NRDC: variants seen among roughly 807,000 people sequenced by gnomAD.
The protein encoded by NRDC is nardilysin convertase, also known as nardilysin.
A neutral mutation model predicts 147.1 loss-of-function variants in NRDC; 54 were observed. That is an observed-to-expected ratio of 0.37 (90% CI 0.29 to 0.46). The LOEUF is 0.46. Among genes scored for constraint, NRDC ranks in the 20% least tolerant of loss-of-function variants. The pLI, the probability that NRDC is intolerant of heterozygous loss-of-function variation, is 1.00. For missense variants in NRDC, 1,082 were observed against 1,370.6 expected, an observed-to-expected ratio of 0.79 and a Z score of 3.33; for synonymous variants, 440 against 482.1, an observed-to-expected ratio of 0.91 and a Z score of 1.14.
chr1:51,837,006 TCC>T (rs1681016052), intron 2 of NRDC, among the ~76,000 whole-genome samples: 2 of 149,508 alleles, frequency 1.3e-5, no homozygotes, highest in Non-Finnish European at 3.0e-5. Context: ...GGTCTCAAAC[TCC>T]TGGACTCAAA....
chr1:51,812,151 T>C, intron 14 of NRDC, 53 bp from the exon 15 acceptor site: 1 of 1,234,442 alleles, frequency 8.1e-7, no homozygotes, highest in Non-Finnish European at 1.2e-6. Context: ...TTATATTTGA[T>C]TTACCACAAC....
intron 1 of NRDC, among the ~76,000 whole-genome samples, chr1:51,875,832 C>T (rs1398290337): frequency 1.3e-5 from 2 of 152,148 alleles, no homozygotes; most frequent in Admixed American, 6.5e-5. Flanking sequence ...GGATTACAGG[C>T]ATGAGCCACC....
chr1:51,816,461 G>T, intron 10 of NRDC, 72 bp from the exon 11 acceptor site: 1 of 714,060 alleles, frequency 1.4e-6, no homozygotes. Context: ...TTACCTCTAA[G>T]GCTACAATAA....
chr1:51,869,024 C>T (rs1682956151), intron 1 of NRDC, among the ~76,000 whole-genome samples: 1 of 152,150 alleles, frequency 6.6e-6, no homozygotes, highest in Non-Finnish European at 1.5e-5. Flanking sequence ...ACTACAACCT[C>T]AAACTCTTGT....
chr1:51,829,302 T>G (rs944454656), intron 4 of NRDC, among the ~76,000 whole-genome samples: 3 of 152,218 alleles, frequency 2.0e-5, no homozygotes, highest in Non-Finnish European at 4.4e-5. Context: ...TGCCTTGGCC[T>G]TCCAAAGTGC....
intron 22 of NRDC, chr1:51,797,876 T>A (rs1679005041): frequency 6.1e-6 from 1 of 163,584 alleles, no homozygotes; most frequent in South Asian, 1.8e-4. Context: ...GCTCAAATGA[T>A]CCTTCCACCT....
intron 1 of NRDC, chr1:51,860,244 A>C (rs547218465): frequency 6.5e-6 from 1 of 154,492 alleles, no homozygotes; most frequent in Admixed American, 6.5e-5. Flanking sequence ...ACTTGGGTTG[A>C]CTAGTCAGGG....
intron 29 of NRDC, among the ~76,000 whole-genome samples, chr1:51,790,298 G>A (rs1678544707): frequency 1.3e-5 from 2 of 152,170 alleles, no homozygotes; most frequent in Admixed American, 1.3e-4. Flanking sequence ...CATAAAAATA[G>A]AGCTGCTCTG....
intron 4 of NRDC, among the ~76,000 whole-genome samples, chr1:51,828,608 T>C (rs1033659128): frequency 6.6e-6 from 1 of 152,098 alleles, no homozygotes; most frequent in African/African-American, 2.4e-5. Flanking sequence ...TATAAATACA[T>C]AATAGCAATG....
chr1:51,872,131 A>G (rs2124135806), intron 1 of NRDC, among the ~76,000 whole-genome samples: 1 of 152,274 alleles, frequency 6.6e-6, no homozygotes, highest in East Asian at 1.9e-4. Context: ...TCAGCCTCCC[A>G]AAGTGCTGGG....
intron 27 of NRDC, 25 bp downstream of exon 27, chr1:51,791,553 C>T (rs773219166): frequency 1.3e-6 from 2 of 1,560,368 alleles, no homozygotes; most frequent in Non-Finnish European, 1.8e-6. Context: ...ATAGGTTACA[C>T]TCATCTATTC....
Position 51,790,544 on chromosome 1 carries a change from G to A in NRDC, c.3157C>T (p.Leu1053Phe). Reference protein sequence around the residue: ...VVTQQYLFDRLAHEIEALKSF... With the variant: ...VVTQQYLFDRFAHEIEALKSF... Reference sequence around the variant, plus strand: ...GAAAACCATGTTACCTCGTGGGCAAGGCGGTCAAAGAGGTACTGCTGTGTA... The same window carrying A: ...GAAAACCATGTTACCTCGTGGGCAAAGCGGTCAAAGAGGTACTGCTGTGTA... Residue 1053 changes from leucine to phenylalanine, a missense_variant, in exon 29 of 31, where the codon CTT (leucine) becomes TTT (phenylalanine). Around this residue, in one of 3 missense-constraint regions of NRDC, gnomAD observed 187 missense variants for 193.6 expected, o/e 0.97. Coordinates refer to ENST00000352171, the MANE Select transcript of NRDC (RefSeq NM_001101662.2). 2 of 1,610,978 alleles carry A rather than the reference G, an allele frequency of 1.2e-6. No individual in the cohort carries two copies. The highest frequency in any genetic ancestry group is 1.7e-6 in the Non-Finnish European group (2 of 1,177,162).
At chr1:51,819,200 G>C (rs531105656) in intron 9 of NRDC, among the ~76,000 whole-genome samples, 1 of 151,946 alleles carries the variant, frequency 6.6e-6, no homozygotes, top group Non-Finnish European at 1.5e-5. Context: ...CACTCAGCAG[G>C]CTGAGGCAGG....
At chr1:51,855,024 C>CA (rs1682163903) in intron 1 of NRDC, among the ~76,000 whole-genome samples, 2 of 152,166 alleles carry the variant, frequency 1.3e-5, no homozygotes, top group African/African-American at 4.8e-5. Context: ...CTGCTGATCT[C>CA]AAATTTTTAG....
intron 1 of NRDC, among the ~76,000 whole-genome samples, chr1:51,859,201 A>C (rs1477869414): frequency 6.6e-6 from 1 of 152,220 alleles, no homozygotes; most frequent in Non-Finnish European, 1.5e-5. Context: ...ACTATTCAAA[A>C]GCCAGCAAAT....
chr1:51,873,803 G>A (rs923352409), intron 1 of NRDC, among the ~76,000 whole-genome samples: 7 of 151,016 alleles, frequency 4.6e-5, no homozygotes, highest in Non-Finnish European at 3.0e-5. Context: ...GAGCCCCCAC[G>A]CCCAGCCTGA....
At chr1:51,812,839 G>A (rs983599622) in intron 14 of NRDC, among the ~76,000 whole-genome samples, 2 of 151,816 alleles carry the variant, frequency 1.3e-5, no homozygotes, top group Admixed American at 6.6e-5. Context: ...GCTCATGCCT[G>A]TAGTTCCAGC....
chr1:51,837,486 C>A, intron 2 of NRDC: 21 of 1,580,434 alleles, frequency 1.3e-5, no homozygotes, highest in Non-Finnish European at 1.7e-5. Context: ...AGGTGCCTAA[C>A]CTGCTTTCAG....
At chr1:51,876,916 G>T (rs940347111) in intron 1 of NRDC, among the ~76,000 whole-genome samples, 1 of 152,218 alleles carries the variant, frequency 6.6e-6, no homozygotes, top group South Asian at 2.1e-4. Flanking sequence ...CGGGCTGGGC[G>T]GGGTGGCTCA....
Sources: gnomAD v4.1 joint callset for allele counts (sites outside exome capture counted in the v4.1 genomes callset) on GRCh38, gnomAD v4.1.1 for gene constraint, gnomAD v4.1.1 regional missense constraint, MANE v1.5 for transcripts, NCBI Gene and HGNC (gene_info 2026-07-23, HGNC 2026-07-21) for gene names.